HEATR4: variants seen among roughly 807,000 people sequenced by gnomAD.
HEATR4 encodes HEAT repeat-containing protein 4.
In HEATR4, 95 loss-of-function variants were observed where a neutral mutation model predicts 108.8. The observed-to-expected ratio is 0.87, with a 90% CI of 0.74 to 1.04. The LOEUF (loss-of-function observed/expected upper bound fraction) is 1.04, where lower values mean the gene tolerates loss of function less well. Among genes scored for constraint, HEATR4 ranks in the 50% least tolerant of loss-of-function variants. HEATR4 has a pLI of 0.00. For missense variants in HEATR4, 1,152 were observed against 1,253.8 expected, an observed-to-expected ratio of 0.92 and a Z score of 1.23; for synonymous variants, 443 against 459.4, an observed-to-expected ratio of 0.96 and a Z score of 0.46.
Position 73,478,986 on chromosome 14 carries a change from T to G in HEATR4, c.2845-144A>C, listed in dbSNP as rs150416524. The G allele has an allele frequency of 4.9e-4, 272 of 551,596 alleles. 2 individuals are homozygous for G. The highest frequency in any genetic ancestry group is 4.7e-3 in the African/African-American group (248 of 53,032). 34.2% of individuals were successfully genotyped at this position (551,596 alleles called of 1,614,324 possible). On this transcript the variant is annotated intron_variant, in intron 17 of 17. Transcript: ENST00000553558. ...CGGAGTCCCACTCTGTCGCCCAGGC[T>G]GGAGTTCAGTGGCGCAATCTCGGCT...
At position 73,499,074 on chromosome 14, in the gene HEATR4, G is replaced by A. The variant is rs114232158; in HGVS notation, c.2353C>T (p.Arg785Ter). ...PYWKIKAFAIRALGQIGQVSP... is the reference protein window; with the variant it reads ...PYWKIKAFAI ...TGGGGCACTACTTCTATAATACCTC[G>A]AATGGCAAAGGCCTTGATTTTCCAG... Residue 785 changes from arginine (R) to a stop codon, truncating the protein, a stop_gained, in exon 13 of 18, where the codon CGA becomes TGA. Coordinates refer to ENST00000553558, the MANE Select transcript of HEATR4 (RefSeq NM_001220484.1). LOFTEE classifies it high-confidence loss of function. 2,896 of 1,613,726 alleles carry A rather than the reference G, an allele frequency of 1.8e-3. 52 individuals carry two copies. In the African/African-American group the frequency reaches 0.035, roughly 19 times the overall value.
At chr14:73,577,361 G>C in the HEATR4 span, among the ~76,000 whole-genome samples, 182 of 135,746 alleles carry the variant, frequency 1.3e-3, 1 homozygote, top group African/African-American at 4.7e-3. Context: ...AATGCAGCTG[G>C]TGCCATGTCT....
the HEATR4 span, chr14:73,573,391 C>G: frequency 5.0e-6 from 8 of 1,613,562 alleles, no homozygotes; most frequent in Non-Finnish European, 6.8e-6. Context: ...TCCCAAGAAC[C>G]TGGGCCCTTT....
upstream of HEATR4, among the ~76,000 whole-genome samples, chr14:73,559,355 G>A (rs1282390872): frequency 2.6e-5 from 4 of 151,628 alleles, 1 homozygote; most frequent in Non-Finnish European, 4.4e-5. Context: ...CTGACCTCAA[G>A]TGATGTGTCC....
intron 17 of HEATR4, among the ~76,000 whole-genome samples, chr14:73,482,090 A>G (rs542135653): frequency 1.2e-4 from 18 of 152,250 alleles, no homozygotes; most frequent in Admixed American, 7.9e-4. Context: ...GGAGGGTTGA[A>G]TAAGTGAAGC....
At chr14:73,552,974 A>C (rs1450514389) in intron 1 of HEATR4, among the ~76,000 whole-genome samples, 1 of 113,454 alleles carries the variant, frequency 8.8e-6, no homozygotes, top group Non-Finnish European at 1.9e-5. Flanking sequence ...ACCCAAGCAC[A>C]CACTATTCGG....
intron 7 of HEATR4, among the ~76,000 whole-genome samples, chr14:73,511,656 C>T (rs1887278434): frequency 1.3e-5 from 2 of 152,110 alleles, no homozygotes; most frequent in African/African-American, 4.8e-5. Context: ...GGGAGGATTA[C>T]TTGAGGCCAG....
chr14:73,588,415 T>G, the HEATR4 span, among the ~76,000 whole-genome samples: 1 of 152,188 alleles, frequency 6.6e-6, no homozygotes, highest in Admixed American at 6.5e-5. Flanking sequence ...CAGCATGTAT[T>G]ACACTTCTTT....
the HEATR4 span, among the ~76,000 whole-genome samples, chr14:73,590,448 A>C: frequency 4.6e-5 from 7 of 152,246 alleles, no homozygotes; most frequent in Non-Finnish European, 7.3e-5. Flanking sequence ...TCGCAGGTGG[A>C]GCTGCCTGCC....
chr14:73,622,270 T>C, the HEATR4 span, among the ~76,000 whole-genome samples: 1 of 152,154 alleles, frequency 6.6e-6, no homozygotes, highest in African/African-American at 2.4e-5. Flanking sequence ...TCTATATGTA[T>C]TGAAGAACTA....
chr14:73,522,191 C>T (rs1295124021), intron 3 of HEATR4, 81 bp downstream of exon 3: 7 of 1,412,894 alleles, frequency 5.0e-6, no homozygotes, highest in African/African-American at 2.9e-5. Flanking sequence ...ATTCTGAAAT[C>T]GGGAGTGTGA....
intron 17 of HEATR4, among the ~76,000 whole-genome samples, chr14:73,485,280 T>C (rs1306853282): frequency 6.6e-6 from 1 of 152,222 alleles, no homozygotes; most frequent in Non-Finnish European, 1.5e-5. Context: ...TTTTAACACG[T>C]TATAGACATT....
the HEATR4 span, among the ~76,000 whole-genome samples, chr14:73,618,289 C>A: frequency 1.3e-5 from 2 of 152,184 alleles, no homozygotes; most frequent in Admixed American, 6.5e-5. Context: ...TTCTCTCCCC[C>A]ACAACCCCTA....
In HEATR4 at chr14:73,478,598, T is replaced by C; in HGVS notation, c.*8A>G. 6.3e-7 allele frequency: 1 copy of C among 1,578,852 alleles called. No homozygotes were observed. Among genetic ancestry groups the C allele is most frequent in the Non-Finnish European group, 8.7e-7 (1 of 1,148,958 alleles). On this transcript the variant is annotated 3_prime_UTR_variant, in exon 18 of 18. Coordinates refer to ENST00000553558, the MANE Select transcript of HEATR4 (RefSeq NM_001220484.1). ...TTCCTGCATCTTGAAGTAAGACAAG[T>C]GTTCAGCTTAGAGATGAGCACCTTT...
the HEATR4 span, among the ~76,000 whole-genome samples, chr14:73,589,143 G>C: frequency 1.3e-5 from 2 of 151,442 alleles, no homozygotes; most frequent in Admixed American, 1.3e-4. Context: ...TACATCTACA[G>C]TTTTGGACAA....
At chr14:73,573,648 C>G in the HEATR4 span, 3 of 1,601,668 alleles carry the variant, frequency 1.9e-6, no homozygotes, top group African/African-American at 4.0e-5. Context: ...CTTAAATGGT[C>G]TGGGTTTTCA....
the HEATR4 span, among the ~76,000 whole-genome samples, chr14:73,587,118 T>C: frequency 6.9e-6 from 1 of 144,410 alleles, no homozygotes; most frequent in Non-Finnish European, 1.5e-5. Flanking sequence ...AATTAAATGA[T>C]TCCCTGCCTG....
chr14:73,583,240 T>C, the HEATR4 span, among the ~76,000 whole-genome samples: 8 of 151,240 alleles, frequency 5.3e-5, no homozygotes, highest in Non-Finnish European at 1.0e-4. Flanking sequence ...TACTTGGAGG[T>C]TGAGAGGCTG....
At chr14:73,593,670 A>G in the HEATR4 span, 1 of 1,561,924 alleles carries the variant, frequency 6.4e-7, no homozygotes, top group South Asian at 1.2e-5. Flanking sequence ...AAATTGTATA[A>G]TGGCTTACAT....
Sources: allele counts gnomAD v4.1 joint callset (sites outside exome capture counted in the v4.1 genomes callset), GRCh38; gene constraint gnomAD v4.1.1; transcripts MANE v1.5; gene names NCBI Gene and HGNC (gene_info 2026-07-23, HGNC 2026-07-21).